MAP3K13: variants seen among roughly 807,000 people sequenced by gnomAD.
The protein encoded by MAP3K13 is mitogen-activated protein kinase kinase kinase 13.
In MAP3K13, 52 loss-of-function variants were observed where a neutral mutation model predicts 104.0. That is an observed-to-expected ratio of 0.50 (90% CI 0.40 to 0.63). The LOEUF (loss-of-function observed/expected upper bound fraction) is 0.63. Among genes scored for constraint, MAP3K13 ranks in the 20% least tolerant of loss-of-function variants. The probability of loss-of-function intolerance (pLI) is 0.00; values close to 1 mark genes in which losing one functional copy is unlikely to be tolerated. For missense variants in MAP3K13, 914 were observed against 1,218.5 expected (o/e 0.75, Z 3.72); for synonymous variants, 394 against 442.2 (o/e 0.89, Z 1.37).
At chr3:185,290,166 T>A (rs1233719660) in intron 2 of MAP3K13, among the ~76,000 whole-genome samples, 1 of 152,194 alleles carries the variant, frequency 6.6e-6, no homozygotes, top group African/African-American at 2.4e-5. Flanking sequence ...CAAACTTATC[T>A]AATAGTTTTA....
At chr3:185,479,304 G>A (rs1269820011) in intron 12 of MAP3K13, among the ~76,000 whole-genome samples, 1 of 152,164 alleles carries the variant, frequency 6.6e-6, no homozygotes, top group Non-Finnish European at 1.5e-5. Context: ...GGGAGGTGAG[G>A]GATGGAGGTT....
intron 2 of MAP3K13, among the ~76,000 whole-genome samples, chr3:185,327,190 T>C (rs1165386790): frequency 2.0e-5 from 3 of 152,146 alleles, no homozygotes; most frequent in Non-Finnish European, 4.4e-5. Flanking sequence ...TCCTCCATCT[T>C]CGAAGCCAGC....
rs1717947619 is a variant in MAP3K13, at chr3:185,473,732, C to G, written c.2401C>G (p.Leu801Val). ...GTSHLGTPPALPRKTRPLQKS... is the reference protein window; with the variant it reads ...GTSHLGTPPAVPRKTRPLQKS... ...CTCTCATCTCGGCACCCCTCCAGCG[C>G]TACCTCGAAAAACAAGGCCTCTGCA... The change falls in exon 11 of 14, where the codon CTA (leucine) becomes GTA (valine). Residue 801 changes from leucine to valine, a missense_variant. By Grantham distance (32) the Leu-to-Val change is conservative. Transcript: ENST00000265026. The surrounding 1 kb of genome is among the most constrained non-coding windows in gnomAD (Gnocchi z 4.9). 1 of 1,613,546 alleles carries G rather than the reference C, an allele frequency of 6.2e-7. No homozygotes were observed. The highest frequency in any genetic ancestry group is 8.5e-7 in the Non-Finnish European group (1 of 1,179,932).
At chr3:185,373,109 T>C (rs1376109803) in intron 1 of MAP3K13, among the ~76,000 whole-genome samples, 4 of 152,206 alleles carry the variant, frequency 2.6e-5, no homozygotes, top group Non-Finnish European at 4.4e-5. Flanking sequence ...GAGAGTTCCA[T>C]GTTCTAAGAA....
In MAP3K13 at chr3:185,473,478, G is replaced by C. The variant is rs1410245366; in HGVS notation, c.2147G>C (p.Gly716Ala). Residue 716 changes from glycine (G) to alanine (A), a missense_variant, in exon 11 of 14, where the codon GGC (glycine) becomes GCC (alanine). By Grantham distance (60) the Gly-to-Ala change is moderately conservative. Coordinates refer to ENST00000265026, the MANE Select transcript of MAP3K13 (RefSeq NM_004721.5). The surrounding 1 kb of genome is among the most constrained non-coding windows in gnomAD (Gnocchi z 4.9). Reference protein sequence around the residue: ...DCWRSSEPDKGQAGPWGCCQA... With the variant: ...DCWRSSEPDKAQAGPWGCCQA... ...TGGAGAAGTTCTGAGCCTGACAAGG[G>C]CCAAGCTGGTCCCTGGGGCTGTTGC... 1 of 1,614,190 alleles carries C rather than the reference G, an allele frequency of 6.2e-7. No homozygotes were observed. Among genetic ancestry groups the C allele is most frequent in the African/African-American group, 1.3e-5 (1 of 75,060 alleles).
chr3:185,290,507 A>G (rs1264754566), intron 2 of MAP3K13, among the ~76,000 whole-genome samples: 1 of 152,176 alleles, frequency 6.6e-6, no homozygotes, highest in Non-Finnish European at 1.5e-5. Context: ...ACATGGCACA[A>G]TGCTGATTAA....
Position 185,473,257 on chromosome 3 carries a change from G to A in MAP3K13, c.1926G>A (p.Gln642=). The change falls in exon 11 of 14, where the codon CAG becomes CAA. Residue 642 remains glutamine (Q), a synonymous_variant. Transcript: ENST00000265026. This position sits in a 1 kb window ranked among gnomAD's most constrained non-coding sequence, Gnocchi z 4.9. ...HHHNSLQQQY[Q]QPPPAMSQSH... ...ATAATTCTCTGCAGCAGCAATACCA[G>A]CAGCCCCCTCCTGCCATGTCCCAGA... The A allele has an allele frequency of 6.2e-7, 1 of 1,614,132 alleles. No homozygotes were observed. Among genetic ancestry groups the A allele is most frequent in the Non-Finnish European group, 8.5e-7 (1 of 1,180,030 alleles).
rs111496293 is a variant in MAP3K13, at chr3:185,450,893, T to C, written c.1170-394T>C. 9.0e-3 allele frequency among the ~76,000 whole-genome samples: 1,368 copies of C among 152,232 alleles called. 21 individuals are homozygous for C. The highest frequency in any genetic ancestry group is 0.03 in the African/African-American group (1,243 of 41,540). On this transcript the variant is annotated intron_variant, in intron 6 of 13. Transcript: ENST00000265026. This position sits in a 1 kb window ranked among gnomAD's most constrained non-coding sequence, Gnocchi z 4.2. ...TCACGAGGTCAGGAGATCGAGACCA[T>C]CCTGGTTAACACGATGAAACCCCGT...
intron 2 of MAP3K13, chr3:185,291,555 C>A: frequency 6.9e-7 from 1 of 1,445,226 alleles, no homozygotes; most frequent in South Asian, 1.4e-5. Flanking sequence ...TTTAATTTCC[C>A]TTAAAAAAAT....
At chr3:185,476,847 C>T (rs998054879) in intron 11 of MAP3K13, among the ~76,000 whole-genome samples, 1 of 152,104 alleles carries the variant, frequency 6.6e-6, no homozygotes, top group Non-Finnish European at 1.5e-5. Context: ...TAGTCTGACC[C>T]TCAAAAATGT....
At chr3:185,405,105 T>A (rs1470598781) in intron 1 of MAP3K13, among the ~76,000 whole-genome samples, 2 of 152,196 alleles carry the variant, frequency 1.3e-5, no homozygotes, top group Non-Finnish European at 2.9e-5. Context: ...AAGGCCAGCA[T>A]GCTTATTTCT....
intron 7 of MAP3K13, among the ~76,000 whole-genome samples, chr3:185,453,010 G>C (rs146269769): frequency 1.3e-5 from 2 of 152,256 alleles, no homozygotes; most frequent in East Asian, 3.9e-4. Flanking sequence ...GATCTGGAGA[G>C]GGGAAGAATT....
chr3:185,452,497 A>T (rs34559814), intron 7 of MAP3K13, among the ~76,000 whole-genome samples: 18,192 of 152,168 alleles, frequency 0.12, 1,407 homozygotes, highest in South Asian at 0.27. Flanking sequence ...TCGGCCTCCC[A>T]AACTGCTGGG....
intron 12 of MAP3K13, among the ~76,000 whole-genome samples, chr3:185,477,690 T>C (rs1218363436): frequency 6.6e-6 from 1 of 152,192 alleles, no homozygotes; most frequent in Non-Finnish European, 1.5e-5. Context: ...GCCATGCTGT[T>C]TTATGGGTAA....
rs546744316 is a variant in MAP3K13, at chr3:185,410,047, AG to A, written c.-85-18447del. Among the ~76,000 whole-genome samples, 148 of 152,280 alleles carry A rather than the reference AG, an allele frequency of 9.7e-4. 1 individual carries two copies. Among genetic ancestry groups the A allele is most frequent in the Non-Finnish European group, 1.8e-3 (121 of 68,030 alleles). ...ATCCCTCGAATGTGCAGTTCACAAT[AG>A]GGTTTGCCCTCCTGTGAGAATCTAA... On this transcript the variant is annotated intron_variant, in intron 1 of 13. Coordinates refer to ENST00000265026, the MANE Select transcript of MAP3K13 (RefSeq NM_004721.5).
chr3:185,383,711 G>A (rs12163582), intron 1 of MAP3K13, among the ~76,000 whole-genome samples: 1 of 151,954 alleles, frequency 6.6e-6, no homozygotes, highest in Non-Finnish European at 1.5e-5. Flanking sequence ...CTTCTAGCCA[G>A]CAGAATCATG....
At chr3:185,331,990 C>T (rs1722301742) in intron 2 of MAP3K13, among the ~76,000 whole-genome samples, 1 of 152,094 alleles carries the variant, frequency 6.6e-6, no homozygotes, top group Admixed American at 6.5e-5. Flanking sequence ...CCTACTAATC[C>T]ATTGTACGGA....
chr3:185,457,782 G>C (rs9832000), intron 7 of MAP3K13, among the ~76,000 whole-genome samples: 1 of 151,890 alleles, frequency 6.6e-6, no homozygotes, highest in Non-Finnish European at 1.5e-5. Flanking sequence ...GAATTTTCTC[G>C]GTATTTATAA....
intron 11 of MAP3K13, among the ~76,000 whole-genome samples, chr3:185,474,955 C>T (rs1718026314): frequency 6.6e-6 from 1 of 151,962 alleles, no homozygotes; most frequent in Middle Eastern, 3.4e-3. Context: ...ATTAGCCAGG[C>T]GTGGTGGCAG....
Sources: allele counts gnomAD v4.1 joint callset (sites outside exome capture counted in the v4.1 genomes callset), GRCh38; gene constraint gnomAD v4.1.1; non-coding constraint Gnocchi (gnomAD v3.1); transcripts MANE v1.5; gene names NCBI Gene and HGNC (gene_info 2026-07-23, HGNC 2026-07-21).